Variants in RBMS3 observed in about 807,000 individuals in gnomAD.
The protein encoded by RBMS3 is RNA-binding motif, single-stranded-interacting protein 3.
A neutral mutation model predicts 66.8 loss-of-function variants in RBMS3; 27 were observed. The observed-to-expected ratio is 0.40, with a 90% confidence interval of 0.30 to 0.56. The LOEUF is 0.56. RBMS3 is among the 20% of genes least tolerant of loss of function. RBMS3 has a pLI of 0.40. For synonymous variants in RBMS3, 188 were observed against 183.0 expected (o/e 1.03, Z -0.22); for missense variants, 513 against 549.5 (o/e 0.93, Z 0.66).
Position 30,007,566 on chromosome 3 carries a change from A to C in RBMS3, c.*3704A>C, listed in dbSNP as rs552415229. The stretch of plus-strand genomic sequence containing the variant: ...ATGGTATGGTATTGTCAAGGGAGGC[A>C]AAGTGTTCATGGTAACTTGGAGCTC... On this transcript the variant is annotated 3_prime_UTR_variant, in exon 15 of 15. Transcript: ENST00000383767. The C allele has an allele frequency of 6.6e-6, 1 of 152,046 alleles. No homozygotes were observed. The highest frequency in any genetic ancestry group is 2.1e-4 in the South Asian group (1 of 4,826). The allele number at this position is 152,046 out of a possible 1,614,324, so 9.4% of individuals were successfully genotyped here.
chr3:29,691,990 C>T (rs1311517346), intron 4 of RBMS3, among the ~76,000 whole-genome samples: 1 of 112,588 alleles, frequency 8.9e-6, no homozygotes, highest in East Asian at 2.7e-4. Flanking sequence ...CCCTCTGTCG[C>T]CCAGGCTGGA....
chr3:29,485,853 TGGTG>T (rs1418944505), intron 2 of RBMS3, among the ~76,000 whole-genome samples: 1 of 152,120 alleles, frequency 6.6e-6, no homozygotes, highest in African/African-American at 2.4e-5. Flanking sequence ...CTGCTTCCAA[TGGTG>T]GGTGGCATAG....
intron 4 of RBMS3, among the ~76,000 whole-genome samples, chr3:29,648,848 C>G (rs749258272): frequency 2.0e-5 from 3 of 152,132 alleles, no homozygotes; most frequent in Non-Finnish European, 2.9e-5. Flanking sequence ...TTACATCATT[C>G]TCTTCATTTT....
intron 4 of RBMS3, among the ~76,000 whole-genome samples, chr3:29,690,346 A>G (rs1035714797): frequency 2.6e-5 from 4 of 152,110 alleles, no homozygotes; most frequent in Non-Finnish European, 5.9e-5. Context: ...GGTACTTGGG[A>G]AGTTGAAGAA....
Position 29,532,246 on chromosome 3 carries a change from G to GTATATATATA in RBMS3, c.307+43753_307+43762dup, listed in dbSNP as rs1166106438. On this transcript the variant is annotated intron_variant, in intron 3 of 14. Coordinates refer to ENST00000383767, the MANE Select transcript of RBMS3 (RefSeq NM_001003793.3). The stretch of plus-strand genomic sequence containing the variant: ...TCTTATTTTAATTTCGCATATATAT[G>GTATATATATA]TATATATATATATATGTATATATAT... Among the ~76,000 whole-genome samples the GTATATATATA allele has an allele frequency of 7.8e-3, 694 of 88,814 alleles. 17 individuals carry two copies. The highest frequency in any genetic ancestry group is 0.055 in the East Asian group (153 of 2,794). The allele number at this position is 88,814 out of a possible 152,430, so 58.3% of individuals were successfully genotyped here. A position where few individuals can be genotyped will look rare whatever the true frequency, so the allele number is the denominator to read the frequency against.
intron 3 of RBMS3, among the ~76,000 whole-genome samples, chr3:29,565,271 G>C (rs1279746419): frequency 6.6e-6 from 1 of 152,186 alleles, no homozygotes; most frequent in Non-Finnish European, 1.5e-5. Context: ...CAAAAACTTA[G>C]AGGGAATGAG....
At chr3:29,708,058 TATCA>T (rs2052990548) in intron 4 of RBMS3, among the ~76,000 whole-genome samples, 2 of 152,188 alleles carry the variant, frequency 1.3e-5, no homozygotes, top group African/African-American at 2.4e-5. Flanking sequence ...GTTTAGAGAG[TATCA>T]TGCCTTTTGC....
intron 6 of RBMS3, among the ~76,000 whole-genome samples, chr3:29,768,869 C>G (rs995868309): frequency 2.0e-5 from 3 of 151,878 alleles, no homozygotes; most frequent in African/African-American, 7.2e-5. Context: ...TTTCTATCAT[C>G]TCAGCTTCCT....
intron 7 of RBMS3, among the ~76,000 whole-genome samples, chr3:29,881,508 C>T (rs1407144141): frequency 6.6e-6 from 1 of 152,132 alleles, no homozygotes; most frequent in African/African-American, 2.4e-5. Context: ...CACACTGCTA[C>T]AAAGTAACAG....
chr3:29,597,716 CTT>C (rs1359671570), intron 4 of RBMS3, among the ~76,000 whole-genome samples: 2 of 152,002 alleles, frequency 1.3e-5, no homozygotes, highest in African/African-American at 4.8e-5. Context: ...CAAAACCAGA[CTT>C]TTTTTCCCTA....
chr3:29,794,508 C>A (rs1297955638), intron 6 of RBMS3, among the ~76,000 whole-genome samples: 1 of 152,148 alleles, frequency 6.6e-6, no homozygotes, highest in African/African-American at 2.4e-5. Context: ...ATGGCGTGAA[C>A]CCGGGAGGCT....
At position 29,739,732 on chromosome 3, in the gene RBMS3, G is replaced by T. The variant is rs2054550662; in HGVS notation, c.412G>T (p.Asp138Tyr). ...QAQMAKQQEQDPTNLYISNLP... is the reference protein window; with the variant it reads ...QAQMAKQQEQYPTNLYISNLP... ...TTCCTTCCCTTAGCAACAAGAGCAA[G>T]ACCCAACAAACCTATACATCTCAAA... Residue 138 changes from aspartate (D) to tyrosine (Y), a missense_variant, in exon 5 of 15, where the codon GAC becomes TAC. Transcript: ENST00000383767. 1 of 1,603,404 alleles carries T rather than the reference G, an allele frequency of 6.2e-7. No individual in the cohort carries two copies. The highest frequency in any genetic ancestry group is 1.7e-5 in the Admixed American group (1 of 57,318).
At chr3:29,595,626 C>T (rs1202266718) in intron 4 of RBMS3, among the ~76,000 whole-genome samples, 1 of 152,064 alleles carries the variant, frequency 6.6e-6, no homozygotes, top group Non-Finnish European at 1.5e-5. Context: ...CCATTGTTGT[C>T]CATGGGGTGT....
At chr3:29,423,643 C>G (rs1384240886) in intron 1 of RBMS3, among the ~76,000 whole-genome samples, 1 of 152,198 alleles carries the variant, frequency 6.6e-6, no homozygotes, top group Non-Finnish European at 1.5e-5. Flanking sequence ...GTAGAACTTT[C>G]TGTGATGATG....
chr3:29,377,295 C>T lies in RBMS3; in HGVS notation c.76-57448C>T, dbSNP rs1042029612. 2.6e-5 allele frequency among the ~76,000 whole-genome samples: 4 copies of T among 152,080 alleles called. No homozygotes were observed. In the East Asian group the frequency reaches 5.8e-4, roughly 22 times the overall value. On this transcript the variant is annotated intron_variant, in intron 1 of 14. Transcript: ENST00000383767. Reference sequence around the variant, plus strand: ...ACCACTGGTTGTCAGATGTGCTGGGCGTGAACATGAGCGTGAACAGAGGAA... The same window carrying T: ...ACCACTGGTTGTCAGATGTGCTGGGTGTGAACATGAGCGTGAACAGAGGAA...
At chr3:29,656,498 C>A (rs1198847517) in intron 4 of RBMS3, among the ~76,000 whole-genome samples, 3 of 152,158 alleles carry the variant, frequency 2.0e-5, no homozygotes, top group Admixed American at 6.5e-5. Flanking sequence ...GTGATGTCCA[C>A]ATAAGGATGA....
intron 9 of RBMS3, among the ~76,000 whole-genome samples, chr3:29,897,735 A>G (rs2060159041): frequency 6.6e-6 from 1 of 151,590 alleles, no homozygotes; most frequent in South Asian, 2.1e-4. Context: ...AACCAACCTT[A>G]ATACAGCTCT....
intron 12 of RBMS3, among the ~76,000 whole-genome samples, chr3:29,985,563 A>T (rs13064415): frequency 0.017 from 2,616 of 152,218 alleles, 28 homozygotes; most frequent in Admixed American, 0.027. Flanking sequence ...CATGTTCCTT[A>T]CCGCACAGTC....
chr3:29,808,998 A>G (rs539416593), intron 6 of RBMS3, among the ~76,000 whole-genome samples: 1 of 152,098 alleles, frequency 6.6e-6, no homozygotes, highest in Non-Finnish European at 1.5e-5. Flanking sequence ...AATTTGTCAC[A>G]GTGATGGAAA....
Sources: gnomAD v4.1 joint callset for allele counts (sites outside exome capture counted in the v4.1 genomes callset) on GRCh38, gnomAD v4.1.1 for gene constraint, MANE v1.5 for transcripts, NCBI Gene and HGNC (gene_info 2026-07-23, HGNC 2026-07-21) for gene names.